SCN4A: variants seen among roughly 807,000 people sequenced by gnomAD.
SCN4A encodes sodium voltage-gated channel alpha subunit 4.
A neutral mutation model predicts 162.0 loss-of-function variants in SCN4A; 83 were observed. That is an observed-to-expected ratio of 0.51 (90% CI 0.43 to 0.61). The LOEUF (loss-of-function observed/expected upper bound fraction) is 0.61, where lower values mean the gene tolerates loss of function less well. Among genes scored for constraint, SCN4A ranks in the 20% least tolerant of loss-of-function variants. The pLI is 0.00. For missense variants in SCN4A, 2,196 were observed against 2,462.5 expected (o/e 0.89, Z 2.29); for synonymous variants, 944 against 985.1 (o/e 0.96, Z 0.78).
chr17:63,941,765 T>A lies in SCN4A; in HGVS notation c.4517A>T (p.Tyr1506Phe), dbSNP rs762311521. Residue 1506 changes from tyrosine (Y) to phenylalanine (F), a missense_variant, in exon 24 of 24, where the codon TAC becomes TTC. Physicochemically the swap from Tyr to Phe is conservative, Grantham distance 22 (BLOSUM62 3). Transcript: ENST00000435607. This position sits in a 1 kb window ranked among gnomAD's most constrained non-coding sequence, Gnocchi z 6.2. ...ATCGATGCCCGACTCCTTCTTGACG[T>A]AGGCAAAGTTGGACATGCCGAAGAT... ...YSIFGMSNFA[Y>F]VKKESGIDDM... is the part of the protein sequence containing the mutation. 30 of 1,613,968 alleles carry A rather than the reference T, an allele frequency of 1.9e-5. No homozygotes were observed. In the African/African-American group the frequency reaches 3.7e-4, roughly 20 times the overall value.
rs2144773647 is a variant in SCN4A at position 63,941,246 on chromosome 17, A to G, written c.5036T>C (p.Ile1679Thr). 6.2e-7 allele frequency: 1 copy of G among 1,613,702 alleles called. No individual in the cohort carries two copies. Among genetic ancestry groups the G allele is most frequent in the Non-Finnish European group, 8.5e-7 (1 of 1,179,828 alleles). The change falls in exon 24 of 24, where the codon ATC (isoleucine) becomes ACC (threonine). Residue 1679 changes from isoleucine (I) to threonine (T), a missense_variant. Physicochemically the swap from Ile to Thr is moderately conservative, Grantham distance 89 (BLOSUM62 -1). Coordinates refer to ENST00000435607, the MANE Select transcript of SCN4A (RefSeq NM_000334.4). This position sits in a 1 kb window ranked among gnomAD's most constrained non-coding sequence, Gnocchi z 6.2. Reference sequence around the variant, plus strand: ...GACCTCTTTGGTCAGGGCAAAGAGGATGTCCAGGCAGTGGATCTTGTCCCC... The same window carrying G: ...GACCTCTTTGGTCAGGGCAAAGAGGGTGTCCAGGCAGTGGATCTTGTCCCC... Reference protein sequence around the residue: ...VPGDKIHCLDILFALTKEVLG... With the variant: ...VPGDKIHCLDTLFALTKEVLG...
Position 63,944,595 on chromosome 17 carries a change from G to T in SCN4A, c.3912+78C>A. On this transcript the variant is annotated intron_variant, in intron 21 of 23. Coordinates refer to ENST00000435607, the MANE Select transcript of SCN4A (RefSeq NM_000334.4). This position sits in a 1 kb window ranked among gnomAD's most constrained non-coding sequence, Gnocchi z 4.3. ...GTGCTCAGGCAGCGTTTGTGGGTTT[G>T]TGCAATGGAGAGTGGACAAAGGAGG... 1 of 1,493,318 alleles carries T rather than the reference G, an allele frequency of 6.7e-7. No individual in the cohort carries two copies. Among genetic ancestry groups the T allele is most frequent in the Non-Finnish European group, 9.1e-7 (1 of 1,101,224 alleles). The allele number at this position is 1,493,318 out of a possible 1,614,324, so 92.5% of individuals were successfully genotyped here.
chr17:63,972,526 G>T lies in SCN4A; in HGVS notation c.273+43C>A, dbSNP rs752074826. On this transcript the variant is annotated intron_variant, in intron 1 of 23. Transcript: ENST00000435607. This position sits in a 1 kb window ranked among gnomAD's most constrained non-coding sequence, Gnocchi z 4.3. ...GGACAGACAGACAGGCAGACAGATGGATGGATGGCAGACAGACAGAGGAAG... is the reference window on the plus strand; with the variant it reads ...GGACAGACAGACAGGCAGACAGATGTATGGATGGCAGACAGACAGAGGAAG... 3.7e-6 allele frequency: 6 copies of T among 1,602,684 alleles called. No individual in the cohort carries two copies. In the South Asian group the frequency reaches 6.7e-5, roughly 18 times the overall value.
At chr17:63,967,001 T>A (rs141866313) in intron 6 of SCN4A, among the ~76,000 whole-genome samples, 17 of 152,218 alleles carry the variant, frequency 1.1e-4, no homozygotes, top group Non-Finnish European at 2.4e-4. Context: ...CCTGTGAAGA[T>A]GCATATGTGA....
At chr17:63,942,308 A>T (rs1312994149) in intron 23 of SCN4A, among the ~76,000 whole-genome samples, 1 of 151,916 alleles carries the variant, frequency 6.6e-6, no homozygotes, top group Non-Finnish European at 1.5e-5. Context: ...AGAGACAGAG[A>T]GAGAGAGACA....
intron 13 of SCN4A, among the ~76,000 whole-genome samples, chr17:63,953,685 GA>G (rs55829860): frequency 4.1e-3 from 532 of 130,338 alleles, no homozygotes; most frequent in Non-Finnish European, 6.8e-3. Context: ...CTGCCTTGAA[GA>G]AAAAAAAAAA....
In SCN4A at chr17:63,966,142, C is replaced by T. The variant is rs1250369079; in HGVS notation, c.1202G>A (p.Arg401His). 3.1e-6 allele frequency: 5 copies of T among 1,589,578 alleles called. No individual in the cohort carries two copies. Among genetic ancestry groups the T allele is most frequent in the East Asian group, 2.3e-5 (1 of 43,900 alleles). The change falls in exon 8 of 24, where the codon CGC becomes CAC. Residue 401 changes from arginine to histidine, a missense_variant. Arg to His is a conservative substitution (Grantham distance 29). Coordinates refer to ENST00000435607, the MANE Select transcript of SCN4A (RefSeq NM_000334.4). ...TFSWAFLALF[R>H]LMTQDYWENL... ...CTCCCAATAGTCCTGTGTCATGAGGCGGAAGAGAGCCAAGAAGGCCCAGCT... is the reference window on the plus strand; with the variant it reads ...CTCCCAATAGTCCTGTGTCATGAGGTGGAAGAGAGCCAAGAAGGCCCAGCT...
intron 11 of SCN4A, 69 bp from the exon 12 acceptor site, chr17:63,959,507 A>C (rs1290544359): frequency 6.9e-7 from 1 of 1,456,192 alleles, no homozygotes. Context: ...CTCCCACCCA[A>C]CTCCCACCTC....
chr17:63,951,318 C>T lies in SCN4A; in HGVS notation c.2853+106G>A. 1.3e-6 allele frequency: 1 copy of T among 767,478 alleles called. No homozygotes were observed. Among genetic ancestry groups the T allele is most frequent in the African/African-American group, 1.7e-5 (1 of 57,266 alleles). The allele number at this position is 767,478 out of a possible 1,614,324, so 47.5% of individuals were successfully genotyped here. Reference sequence around the variant, plus strand: ...TGCAACAATGCCATAGGGCACCACCCCCATTTTACAGCTGGAGAAACTGAG... The same window carrying T: ...TGCAACAATGCCATAGGGCACCACCTCCATTTTACAGCTGGAGAAACTGAG... On this transcript the variant is annotated intron_variant, in intron 14 of 23. Coordinates refer to ENST00000435607, the MANE Select transcript of SCN4A (RefSeq NM_000334.4). This position sits in a 1 kb window ranked among gnomAD's most constrained non-coding sequence, Gnocchi z 4.5.
At chr17:63,966,604 C>G in intron 6 of SCN4A, 60 bp from the exon 7 acceptor site, 1 of 1,311,900 alleles carries the variant, frequency 7.6e-7, no homozygotes, top group South Asian at 1.2e-5. Context: ...GTGTGAGCAC[C>G]TGCGCCCATT....
Position 63,950,475 on chromosome 17 carries a change from C to G in SCN4A, c.2854-947G>C, listed in dbSNP as rs1274156091. On this transcript the variant is annotated intron_variant, in intron 14 of 23. Transcript: ENST00000435607. This position sits in a 1 kb window ranked among gnomAD's most constrained non-coding sequence, Gnocchi z 4.6. ...CCGGGGAGCCTGGGACTTTGGTGCT[C>G]TCCAGCTCCCCCGCCACCTGAGTGC... Among the ~76,000 whole-genome samples, 3 of 152,206 alleles carry G rather than the reference C, an allele frequency of 2.0e-5. No homozygotes were observed. Among genetic ancestry groups the G allele is most frequent in the African/African-American group, 7.2e-5 (3 of 41,448 alleles).
rs1307476014 is a variant in SCN4A at position 63,959,389 on chromosome 17, A to G, written c.1895T>C (p.Met632Thr). 1.9e-6 allele frequency: 3 copies of G among 1,613,870 alleles called. No homozygotes were observed. Among genetic ancestry groups the G allele is most frequent in the East Asian group, 2.2e-5 (1 of 44,898 alleles). The change falls in exon 12 of 24, where the codon ATG (methionine) becomes ACG (threonine). Residue 632 changes from methionine (M) to threonine (T), a missense_variant. Coordinates refer to ENST00000435607, the MANE Select transcript of SCN4A (RefSeq NM_000334.4). Reference sequence around the variant, plus strand: ...CTGCTGGAAATACTCGTAGGGGTCCATGGCAATCAGCTTCAGAACCATCTC... The same window carrying G: ...CTGCTGGAAATACTCGTAGGGGTCCGTGGCAATCAGCTTCAGAACCATCTC... Reference protein sequence around the residue: ...TAEMVLKLIAMDPYEYFQQGW... With the variant: ...TAEMVLKLIATDPYEYFQQGW...
intron 18 of SCN4A, among the ~76,000 whole-genome samples, chr17:63,946,325 C>T (rs58161467): frequency 6.6e-5 from 10 of 152,230 alleles, no homozygotes; most frequent in African/African-American, 2.4e-4. Flanking sequence ...GCCCAGCATT[C>T]GGCTGGCCTC....
intron 5 of SCN4A, among the ~76,000 whole-genome samples, chr17:63,968,763 G>C (rs1909532503): frequency 6.6e-6 from 1 of 152,222 alleles, no homozygotes. Flanking sequence ...TCTAGATTCT[G>C]CTCTTGGAGA....
chr17:63,953,295 G>A (rs1169743339), intron 13 of SCN4A, among the ~76,000 whole-genome samples: 2 of 151,942 alleles, frequency 1.3e-5, no homozygotes, highest in Admixed American at 6.6e-5. Flanking sequence ...GGGAGGTGGA[G>A]GTTGCAGTGA....
At position 63,947,119 on chromosome 17, in the gene SCN4A, C is replaced by A. The variant is rs548721699; in HGVS notation, c.3367G>T (p.Gly1123Ter). 1.2e-6 allele frequency: 2 copies of A among 1,613,630 alleles called. No homozygotes were observed. Among genetic ancestry groups the A allele is most frequent in the Non-Finnish European group, 1.7e-6 (2 of 1,179,794 alleles). The change falls in exon 18 of 24, where the codon GGA becomes TGA. Residue 1123 changes from glycine to a stop codon, truncating the protein, a stop_gained. Coordinates refer to ENST00000435607, the MANE Select transcript of SCN4A (RefSeq NM_000334.4). LOFTEE classifies it high-confidence loss of function. ...VANWLGYSEL[G>*]PIKSLRTLRA... Reference sequence around the variant, plus strand: ...AGTGTCCGCAGGGATTTGATGGGTCCCAGCTCCGAGTAGCCCAGCCAGTTG... The same window carrying A: ...AGTGTCCGCAGGGATTTGATGGGTCACAGCTCCGAGTAGCCCAGCCAGTTG...
chr17:63,963,662 A>T lies in SCN4A; in HGVS notation c.1606+10T>A. On this transcript the variant is annotated intron_variant, in intron 10 of 23. Transcript: ENST00000435607. ...CTACCTAAGTGGGCACGGGGGCACA[A>T]GGCACTCACCTTCCATGGCGTCGGA... is the stretch of plus-strand genomic sequence containing the variant. 6.4e-7 allele frequency: 1 copy of T among 1,555,568 alleles called. No homozygotes were observed. Among genetic ancestry groups the T allele is most frequent in the Non-Finnish European group, 8.7e-7 (1 of 1,150,860 alleles).
intron 11 of SCN4A, among the ~76,000 whole-genome samples, chr17:63,960,954 C>T (rs1017088459): frequency 6.6e-6 from 1 of 151,476 alleles, no homozygotes; most frequent in Admixed American, 6.6e-5. Context: ...GGAAGCCCAG[C>T]GCCTCAACCC....
At chr17:63,957,859 G>A (rs2144793739) in intron 12 of SCN4A, among the ~76,000 whole-genome samples, 1 of 152,110 alleles carries the variant, frequency 6.6e-6, no homozygotes, top group Admixed American at 6.5e-5. Context: ...CAAAAAATTA[G>A]TCGGGCATGG....
Sources: gnomAD v4.1 joint callset for allele counts (sites outside exome capture counted in the v4.1 genomes callset) on GRCh38, gnomAD v4.1.1 for gene constraint, Gnocchi (gnomAD v3.1) non-coding constraint, MANE v1.5 for transcripts, NCBI Gene and HGNC (gene_info 2026-07-23, HGNC 2026-07-21) for gene names.